Variants in TCF7L2 observed in about 807,000 individuals in gnomAD.
The protein encoded by TCF7L2 is transcription factor 7 like 2.
A neutral mutation model predicts 77.9 loss-of-function variants in TCF7L2; 23 were observed. The observed-to-expected ratio is 0.30, with a 90% CI of 0.21 to 0.42. TCF7L2 has a LOEUF of 0.42. Ranked by LOEUF, TCF7L2 falls within the 10% of genes least tolerant of loss-of-function variation. TCF7L2 has a pLI of 1.00. For missense variants in TCF7L2, 654 were observed against 793.1 expected (o/e 0.82, Z 2.11); for synonymous variants, 413 against 340.2 (o/e 1.21, Z -2.36).
At chr10:113,009,938 T>C (rs1031559931) in intron 4 of TCF7L2, among the ~76,000 whole-genome samples, 1 of 152,104 alleles carries the variant, frequency 6.6e-6, no homozygotes, top group African/African-American at 2.4e-5. Context: ...GTGAGTCCAT[T>C]TACCTTTCAC....
intron 4 of TCF7L2, among the ~76,000 whole-genome samples, chr10:112,995,783 T>C (rs933001857): frequency 2.6e-5 from 4 of 152,116 alleles, no homozygotes; most frequent in Non-Finnish European, 5.9e-5. Context: ...TTCAGAGTCG[T>C]GATCATGCCC....
intron 4 of TCF7L2, among the ~76,000 whole-genome samples, chr10:112,965,627 A>ATG (rs1266429335): frequency 7.3e-5 from 5 of 68,194 alleles, no homozygotes; most frequent in African/African-American, 2.3e-4. Flanking sequence ...GTGTGTGTGT[A>ATG]TATGTGTGTG....
At chr10:112,964,696 C>A (rs2134603754) in intron 4 of TCF7L2, 72 bp downstream of exon 4, 1 of 1,297,416 alleles carries the variant, frequency 7.7e-7, no homozygotes, top group Admixed American at 1.8e-5. Context: ...ATTCTCCGCC[C>A]CTTCCCCCAA....
intron 5 of TCF7L2, among the ~76,000 whole-genome samples, chr10:113,089,824 G>A (rs1004833147): frequency 5.9e-5 from 9 of 152,146 alleles, no homozygotes; most frequent in South Asian, 2.1e-4. Flanking sequence ...AGTGCCACAC[G>A]TAACTTCTGT....
intron 4 of TCF7L2, among the ~76,000 whole-genome samples, chr10:113,018,262 G>T (rs1037026579): frequency 2.6e-5 from 4 of 152,118 alleles, no homozygotes; most frequent in African/African-American, 9.7e-5. Context: ...AGGAGGTGAA[G>T]TCATCTTTCT....
chr10:112,955,858 GA>G (rs1000950165), intron 3 of TCF7L2, among the ~76,000 whole-genome samples: 2 of 152,078 alleles, frequency 1.3e-5, no homozygotes, highest in African/African-American at 4.8e-5. Context: ...ATTTGCTTTA[GA>G]AAACTAGCAT....
chr10:112,969,013 T>C (rs1480282276), intron 4 of TCF7L2, among the ~76,000 whole-genome samples: 1 of 152,148 alleles, frequency 6.6e-6, no homozygotes. Flanking sequence ...ATATTCCTTG[T>C]TGTGTCTCAG....
At chr10:113,152,018 T>A in intron 10 of TCF7L2, 134 bp downstream of exon 10, 1 of 1,261,040 alleles carries the variant, frequency 7.9e-7, no homozygotes, top group Non-Finnish European at 1.1e-6. Flanking sequence ...TCTGAATCCT[T>A]GAATGGCCTT....
At chr10:113,100,564 C>T (rs1398406404) in intron 5 of TCF7L2, among the ~76,000 whole-genome samples, 1 of 151,758 alleles carries the variant, frequency 6.6e-6, no homozygotes, top group Non-Finnish European at 1.5e-5. Context: ...TTTAGAAAAA[C>T]ACAGTGGAAG....
At position 113,051,891 on chromosome 10, in the gene TCF7L2, A is replaced by G. The variant is rs191386009; in HGVS notation, c.552+11765A>G. 1.2e-4 allele frequency among the ~76,000 whole-genome samples: 19 copies of G among 152,296 alleles called. No homozygotes were observed. The East Asian group carries it at 3.7e-3, about 29-fold the overall frequency. The stretch of plus-strand genomic sequence containing the variant: ...GAAGAATCCTTAGATAATTAATAGT[A>G]TGAAATACTGCCCTTTTAGTTGAAA... On this transcript the variant is annotated intron_variant, in intron 5 of 13. Coordinates refer to ENST00000627217, the MANE Select transcript of TCF7L2 (RefSeq NM_001146274.2).
At chr10:113,009,192 A>G (rs901555861) in intron 4 of TCF7L2, among the ~76,000 whole-genome samples, 3 of 152,132 alleles carry the variant, frequency 2.0e-5, no homozygotes, top group Non-Finnish European at 4.4e-5. Context: ...CTGGGGTCCA[A>G]GGGGCCCTCC....
intron 5 of TCF7L2, among the ~76,000 whole-genome samples, chr10:113,058,475 C>T (rs1433411004): frequency 6.6e-6 from 1 of 152,062 alleles, no homozygotes; most frequent in Non-Finnish European, 1.5e-5. Flanking sequence ...TGGTTTTATA[C>T]CGGGTTTTGG....
At chr10:113,073,099 C>CCTGT (rs145753150) in intron 5 of TCF7L2, among the ~76,000 whole-genome samples, 1 of 103,962 alleles carries the variant, frequency 9.6e-6, no homozygotes, top group Non-Finnish European at 1.9e-5. Flanking sequence ...AGGGCCAGGT[C>CCTGT]GTGTGTGTGT....
At chr10:113,128,312 C>A (rs2065995739) in intron 5 of TCF7L2, among the ~76,000 whole-genome samples, 1 of 152,022 alleles carries the variant, frequency 6.6e-6, no homozygotes. Flanking sequence ...TGAAGAATTC[C>A]CACTTTTTTG....
intron 5 of TCF7L2, among the ~76,000 whole-genome samples, chr10:113,101,905 A>G (rs2061687722): frequency 6.7e-6 from 1 of 148,216 alleles, no homozygotes; most frequent in Non-Finnish European, 1.5e-5. Context: ...TTGGGAGGCC[A>G]AGGCGGGTGG....
chr10:112,961,256 C>CGGG (rs200614227), intron 3 of TCF7L2, among the ~76,000 whole-genome samples: 1 of 61,516 alleles, frequency 1.6e-5, no homozygotes, highest in Non-Finnish European at 4.0e-5. Flanking sequence ...CTCAGGTGAC[C>CGGG]CCCCCCCCCC....
chr10:113,009,396 C>T (rs2046089067), intron 4 of TCF7L2, among the ~76,000 whole-genome samples: 2 of 152,176 alleles, frequency 1.3e-5, no homozygotes, highest in African/African-American at 4.8e-5. Context: ...TGGCAAGAGT[C>T]CTCTGTGGTT....
chr10:113,031,548 C>T (rs1187643716), intron 4 of TCF7L2, among the ~76,000 whole-genome samples: 1 of 149,400 alleles, frequency 6.7e-6, no homozygotes, highest in Admixed American at 6.8e-5. Flanking sequence ...AGTGCAGTTG[C>T]ACAATCTTGG....
intron 4 of TCF7L2, among the ~76,000 whole-genome samples, chr10:112,966,545 A>C (rs1047646649): frequency 2.0e-5 from 3 of 152,012 alleles, no homozygotes; most frequent in Non-Finnish European, 4.4e-5. Context: ...GGCCTCCTAC[A>C]TCTCGGGTAG....
Sources: allele counts gnomAD v4.1 joint callset (sites outside exome capture counted in the v4.1 genomes callset), GRCh38; gene constraint gnomAD v4.1.1; transcripts MANE v1.5; gene names NCBI Gene and HGNC (gene_info 2026-07-23, HGNC 2026-07-21).